Variants in PHKB observed in about 807,000 individuals in gnomAD.
PHKB encodes phosphorylase b kinase regulatory subunit beta.
In PHKB, 122 loss-of-function variants were observed where a neutral mutation model predicts 152.1. That is an observed-to-expected ratio of 0.80 (90% CI 0.69 to 0.93). The LOEUF is 0.93. Ranked by LOEUF, PHKB falls within the 40% of genes least tolerant of loss-of-function variation. The probability of loss-of-function intolerance (pLI) is 0.00; values close to 1 mark genes in which losing one functional copy is unlikely to be tolerated. For synonymous variants in PHKB, 436 were observed against 464.9 expected (o/e 0.94, Z 0.80); for missense variants, 1,304 against 1,328.4 (o/e 0.98, Z 0.29).
intron 26 of PHKB, 36 bp from the exon 27 acceptor site, chr16:47,689,005 G>C (rs1267453110): frequency 6.2e-7 from 1 of 1,611,508 alleles, no homozygotes; most frequent in Non-Finnish European, 8.5e-7. Flanking sequence ...TTTATTTCAA[G>C]AGTTATTGAT....
At chr16:47,537,679 C>G (rs1168824168) in intron 6 of PHKB, among the ~76,000 whole-genome samples, 1 of 151,458 alleles carries the variant, frequency 6.6e-6, no homozygotes, top group Non-Finnish European at 1.5e-5. Context: ...GACTGAGAGC[C>G]TGGAAAAGAG....
chr16:47,600,792 G>C (rs1450302272), intron 13 of PHKB, among the ~76,000 whole-genome samples: 1 of 152,216 alleles, frequency 6.6e-6, no homozygotes, highest in African/African-American at 2.4e-5. Flanking sequence ...TGAAGATACA[G>C]TATTGTAATC....
At chr16:47,619,148 A>C (rs77240829) in intron 14 of PHKB, 1 of 152,256 alleles carries the variant, frequency 6.6e-6, no homozygotes, top group South Asian at 2.1e-4. Context: ...CGTGAGTCTC[A>C]GAGAGGTTTA....
At chr16:47,530,682 G>A (rs1003952201) in intron 6 of PHKB, among the ~76,000 whole-genome samples, 2 of 152,118 alleles carry the variant, frequency 1.3e-5, no homozygotes, top group African/African-American at 4.8e-5. Context: ...TTTATCTATA[G>A]AGCAGCAATA....
chr16:47,531,524 A>T (rs1281081752), intron 6 of PHKB, among the ~76,000 whole-genome samples: 2 of 152,220 alleles, frequency 1.3e-5, no homozygotes, highest in South Asian at 2.1e-4. Context: ...AAAATAATCC[A>T]TTACAGGCTA....
chr16:47,698,419 A>G, intron 29 of PHKB, 29 bp from the exon 30 acceptor site: 9 of 1,560,542 alleles, frequency 5.8e-6, no homozygotes, highest in Non-Finnish European at 8.0e-6. Flanking sequence ...TGGTTCATAT[A>G]GTTGGCTTTC....
chr16:47,550,495 C>T (rs567120695), intron 7 of PHKB, among the ~76,000 whole-genome samples: 7 of 152,196 alleles, frequency 4.6e-5, no homozygotes, highest in East Asian at 1.9e-4. Flanking sequence ...CTTTCTCTGC[C>T]GCTCTCCTTT....
Position 47,610,915 on chromosome 16 carries a change from A to G in PHKB, c.1453A>G (p.Asn485Asp). The G allele has an allele frequency of 1.3e-6, 2 of 1,548,152 alleles. No homozygotes were observed. The highest frequency in any genetic ancestry group is 1.8e-6 in the Non-Finnish European group (2 of 1,119,784). ...DQRNVSMRFS[N>D]QGPLENDLVV... is the part of the protein sequence containing the mutation. ...ACGTAACGTGAGCATGAGGTTTTCC[A>G]ATCAGGTAAAGAATTATTCTATTTC... The change falls in exon 14 of 31, where the codon AAT (asparagine) becomes GAT (aspartate). Residue 485 changes from asparagine to aspartate, a missense_variant. Transcript: ENST00000323584.
chr16:47,661,686 A>C (rs761029438), intron 22 of PHKB, 33 bp from the exon 23 acceptor site: 1 of 1,471,864 alleles, frequency 6.8e-7, no homozygotes, highest in Admixed American at 1.7e-5. Flanking sequence ...TACCCATTTC[A>C]TTCCAGTTCC....
At chr16:47,599,641 G>T (rs1452230149) in intron 13 of PHKB, among the ~76,000 whole-genome samples, 1 of 152,118 alleles carries the variant, frequency 6.6e-6, no homozygotes, top group Non-Finnish European at 1.5e-5. Flanking sequence ...AAAAGAAGAA[G>T]AAATACTGCA....
At chr16:47,633,807 C>T (rs1972868359) in intron 14 of PHKB, among the ~76,000 whole-genome samples, 1 of 152,168 alleles carries the variant, frequency 6.6e-6, no homozygotes, top group Non-Finnish European at 1.5e-5. Context: ...ATTTGGGAAA[C>T]ATTAGTTTTG....
chr16:47,696,198 A>T (rs748317969), intron 28 of PHKB, among the ~76,000 whole-genome samples, 183 bp from the exon 29 acceptor site: 11 of 152,226 alleles, frequency 7.2e-5, no homozygotes, highest in Non-Finnish European at 1.5e-4. Context: ...TTAATTTATC[A>T]CAATAGTCAG....
chr16:47,474,189 G>A (rs904473253), intron 1 of PHKB, among the ~76,000 whole-genome samples: 2 of 149,554 alleles, frequency 1.3e-5, no homozygotes, highest in Admixed American at 1.3e-4. Flanking sequence ...TTTTTCATTT[G>A]TCATATAAAA....
At chr16:47,486,471 A>T (rs1372908739) in intron 1 of PHKB, among the ~76,000 whole-genome samples, 2 of 152,246 alleles carry the variant, frequency 1.3e-5, no homozygotes, top group Admixed American at 1.3e-4. Context: ...GATGAGTCAT[A>T]GGACAAACAT....
intron 6 of PHKB, among the ~76,000 whole-genome samples, chr16:47,543,257 A>G (rs1971095137): frequency 6.6e-6 from 1 of 152,180 alleles, no homozygotes; most frequent in Admixed American, 6.5e-5. Context: ...CTATTGAGAT[A>G]ATGGTGTGGT....
In PHKB at chr16:47,701,156, A is replaced by G. The variant is rs1974241874; in HGVS notation, c.*1790A>G. ...TCCATGGAGAGGGAATTGAGAGCTG[A>G]CACTTCATAACTGGAGAAACTGGAA... On this transcript the variant is annotated 3_prime_UTR_variant, in exon 31 of 31. Coordinates refer to ENST00000323584, the MANE Select transcript of PHKB (RefSeq NM_000293.3). 6.6e-6 allele frequency: 1 copy of G among 152,214 alleles called. No homozygotes were observed. Among genetic ancestry groups the G allele is most frequent in the African/African-American group, 2.4e-5 (1 of 41,462 alleles). The allele number at this position is 152,214 out of a possible 1,614,324, so 9.4% of individuals were successfully genotyped here. A position where few individuals can be genotyped will look rare whatever the true frequency, so the allele number is the denominator to read the frequency against.
intron 13 of PHKB, among the ~76,000 whole-genome samples, chr16:47,597,519 A>G (rs1972141652): frequency 6.6e-6 from 1 of 152,074 alleles, no homozygotes; most frequent in Non-Finnish European, 1.5e-5. Flanking sequence ...GGGTCTCCAT[A>G]TATACCTAAT....
chr16:47,528,861 A>G (rs1970812488), intron 6 of PHKB, among the ~76,000 whole-genome samples: 1 of 151,750 alleles, frequency 6.6e-6, no homozygotes, highest in Non-Finnish European at 1.5e-5. Flanking sequence ...TGCACCGGGT[A>G]ATTTTTGTGT....
intron 7 of PHKB, among the ~76,000 whole-genome samples, chr16:47,548,340 G>A (rs1971210180): frequency 6.6e-6 from 1 of 152,196 alleles, no homozygotes; most frequent in Non-Finnish European, 1.5e-5. Flanking sequence ...TGGGCACGGT[G>A]GCTCACGCCT....
Sources: allele counts gnomAD v4.1 joint callset (sites outside exome capture counted in the v4.1 genomes callset), GRCh38; gene constraint gnomAD v4.1.1; transcripts MANE v1.5; gene names NCBI Gene and HGNC (gene_info 2026-07-23, HGNC 2026-07-21).